Variants in DYNC1LI1 observed in about 807,000 individuals in gnomAD.
DYNC1LI1 encodes the protein dynein cytoplasmic 1 light intermediate chain 1, also known as cytoplasmic dynein 1 light intermediate chain 1.
DYNC1LI1 carries 19 observed loss-of-function variants against 63.8 expected under a neutral mutation model. That is an observed-to-expected ratio of 0.30 (90% CI 0.21 to 0.44). The LOEUF (loss-of-function observed/expected upper bound fraction) is 0.44, where lower values mean the gene tolerates loss of function less well. Among genes scored for constraint, DYNC1LI1 ranks in the 20% least tolerant of loss-of-function variants. The probability of loss-of-function intolerance (pLI) is 1.00; values close to 1 mark genes in which losing one functional copy is unlikely to be tolerated. For missense variants in DYNC1LI1, 565 were observed against 630.2 expected, an observed-to-expected ratio of 0.90 and a Z score of 1.11; for synonymous variants, 225 against 232.3, an observed-to-expected ratio of 0.97 and a Z score of 0.28.
At chr3:32,538,033 TAATATA>T (rs1559436509) in intron 5 of DYNC1LI1, among the ~76,000 whole-genome samples, 1 of 10,078 alleles carries the variant, frequency 9.9e-5, no homozygotes, top group Non-Finnish European at 1.3e-4. Context: ...TTTATATATA[TAATATA>T]TATATATAAT....
intron 2 of DYNC1LI1, among the ~76,000 whole-genome samples, chr3:32,563,633 ACTTTT>A (rs1187014478): frequency 1.3e-5 from 2 of 151,908 alleles, no homozygotes; most frequent in South Asian, 2.1e-4. Flanking sequence ...TAAATTTTAG[ACTTTT>A]CTTTTCCTAT....
At chr3:32,566,253 C>A (rs1698258182) in intron 2 of DYNC1LI1, among the ~76,000 whole-genome samples, 1 of 151,918 alleles carries the variant, frequency 6.6e-6, no homozygotes, top group Admixed American at 6.6e-5. Flanking sequence ...GCCTGGGTGA[C>A]AGAGTAAGAC....
intron 8 of DYNC1LI1, chr3:32,531,705 G>GA (rs1383430914): frequency 1.3e-5 from 2 of 152,064 alleles, no homozygotes; most frequent in East Asian, 3.9e-4. Context: ...CCCACAAACA[G>GA]AAGATGGATG....
Position 32,529,636 on chromosome 3 carries a change from C to T in DYNC1LI1, c.1210G>A (p.Gly404Ser). 1 of 1,606,860 alleles carries T rather than the reference C, an allele frequency of 6.2e-7. No individual in the cohort carries two copies. Among genetic ancestry groups the T allele is most frequent in the Non-Finnish European group, 8.5e-7 (1 of 1,176,772 alleles). ...GATCTATTTGGTGTTCGTGGGGAGCCTCCTGGGACTCTTGGTGAGGCATCC... is the reference window on the plus strand; with the variant it reads ...GATCTATTTGGTGTTCGTGGGGAGCTTCCTGGGACTCTTGGTGAGGCATCC... ...PVDASPRVPG[G>S]SPRTPNRSVS... The change falls in exon 11 of 13, where the codon GGC becomes AGC. Residue 404 changes from glycine to serine, a missense_variant. By Grantham distance (56) the Gly-to-Ser change is moderately conservative. Coordinates refer to ENST00000273130, the MANE Select transcript of DYNC1LI1 (RefSeq NM_016141.4).
chr3:32,532,697 C>A, intron 8 of DYNC1LI1: 2 of 265,848 alleles, frequency 7.5e-6, no homozygotes, highest in Non-Finnish European at 1.3e-5. Flanking sequence ...CATATTCACT[C>A]ATGCCAATCT....
At chr3:32,555,680 T>A (rs1377643444) in intron 2 of DYNC1LI1, among the ~76,000 whole-genome samples, 1 of 152,200 alleles carries the variant, frequency 6.6e-6, no homozygotes, top group African/African-American at 2.4e-5. Flanking sequence ...GTGATCTTCC[T>A]GAACCGATCT....
At chr3:32,561,786 C>A (rs930106446) in intron 2 of DYNC1LI1, among the ~76,000 whole-genome samples, 1 of 150,018 alleles carries the variant, frequency 6.7e-6, no homozygotes. Flanking sequence ...ATCTGTCTAC[C>A]AATCCATTAT....
intron 2 of DYNC1LI1, among the ~76,000 whole-genome samples, chr3:32,568,691 A>G (rs1397387957): frequency 2.6e-5 from 4 of 152,004 alleles, no homozygotes; most frequent in African/African-American, 7.3e-5. Flanking sequence ...GTTTTACCAT[A>G]AACAGAATCA....
chr3:32,570,294 AC>A, intron 2 of DYNC1LI1, 51 bp downstream of exon 2: 1 of 1,421,522 alleles, frequency 7.0e-7, no homozygotes. Flanking sequence ...CGGACCAGGT[AC>A]CCCGGGCCGC....
chr3:32,528,730 G>T, intron 11 of DYNC1LI1, 129 bp from the exon 12 acceptor site: 1 of 881,112 alleles, frequency 1.1e-6, no homozygotes, highest in Non-Finnish European at 1.6e-6. Flanking sequence ...CCAAATTCAA[G>T]TCTAGTTTGA....
intron 2 of DYNC1LI1, among the ~76,000 whole-genome samples, chr3:32,564,005 T>A (rs1188118481): frequency 6.6e-6 from 1 of 152,198 alleles, no homozygotes; most frequent in Admixed American, 6.5e-5. Flanking sequence ...CTGACGCCAA[T>A]AATCCCCTAA....
At chr3:32,537,958 T>A (rs1316743918) in intron 5 of DYNC1LI1, among the ~76,000 whole-genome samples, 6 of 2,724 alleles carry the variant, frequency 2.2e-3, no homozygotes, top group South Asian at 0.011. Context: ...AATTTATATA[T>A]ATAATATATA....
chr3:32,536,047 C>A (rs2125432207), intron 6 of DYNC1LI1, among the ~76,000 whole-genome samples: 1 of 152,144 alleles, frequency 6.6e-6, no homozygotes, highest in East Asian at 1.9e-4. Context: ...TTAACTCAAC[C>A]AACTCAGCCA....
chr3:32,545,789 T>G (rs906391908), intron 3 of DYNC1LI1, 60 bp downstream of exon 3: 4 of 1,129,952 alleles, frequency 3.5e-6, no homozygotes, highest in Non-Finnish European at 5.3e-6. Context: ...CAAAGACTAA[T>G]GTGAATGGCA....
chr3:32,545,571 A>G (rs1559439141), intron 3 of DYNC1LI1: 4 of 399,040 alleles, frequency 1.0e-5, no homozygotes, highest in Non-Finnish European at 1.8e-5. Flanking sequence ...CAAAACAATC[A>G]CTATCTGAGG....
intron 2 of DYNC1LI1, among the ~76,000 whole-genome samples, chr3:32,558,499 T>C (rs1443489995): frequency 6.6e-6 from 1 of 151,796 alleles, no homozygotes; most frequent in Admixed American, 6.6e-5. Context: ...TTTATCTCCC[T>C]GATAGATCTC....
chr3:32,570,131 G>A (rs1490313569), intron 2 of DYNC1LI1: 4 of 686,866 alleles, frequency 5.8e-6, no homozygotes, highest in Admixed American at 2.1e-5. Flanking sequence ...CGGGGAGGAG[G>A]AGGAGGAACC....
At chr3:32,530,634 T>C in intron 8 of DYNC1LI1, 114 bp from the exon 9 acceptor site, 1 of 919,242 alleles carries the variant, frequency 1.1e-6, no homozygotes. Flanking sequence ...GAACATTACC[T>C]ATACTATATT....
intron 3 of DYNC1LI1, 191 bp downstream of exon 3, chr3:32,545,658 C>CT (rs1430910658): frequency 5.1e-6 from 3 of 586,210 alleles, no homozygotes; most frequent in Non-Finnish European, 9.0e-6. Flanking sequence ...CCTTAAGATG[C>CT]TTAAAAGTAT....
Sources: allele counts gnomAD v4.1 joint callset (sites outside exome capture counted in the v4.1 genomes callset), GRCh38; gene constraint gnomAD v4.1.1; transcripts MANE v1.5; gene names NCBI Gene and HGNC (gene_info 2026-07-23, HGNC 2026-07-21).